ZBTB8A: variants seen among roughly 807,000 people sequenced by gnomAD.
ZBTB8A encodes zinc finger and BTB domain containing 8A.
A neutral mutation model predicts 37.8 loss-of-function variants in ZBTB8A; 19 were observed. That is an observed-to-expected ratio of 0.50 (90% CI 0.35 to 0.74). ZBTB8A has a LOEUF of 0.74. ZBTB8A is among the 30% of genes least tolerant of loss of function. ZBTB8A has a pLI of 0.01. For missense variants in ZBTB8A, 394 were observed against 537.8 expected, an observed-to-expected ratio of 0.73 and a Z score of 2.65; for synonymous variants, 181 against 185.2, an observed-to-expected ratio of 0.98 and a Z score of 0.19.
Position 32,600,545 on chromosome 1 carries a change from T to G in ZBTB8A, c.*126T>G. The G allele has an allele frequency of 2.8e-6, 2 of 722,992 alleles. No individual in the cohort carries two copies. The allele number at this position is 722,992 out of a possible 1,614,324, so 44.8% of individuals were successfully genotyped here. On this transcript the variant is annotated 3_prime_UTR_variant, in exon 5 of 5. Transcript: ENST00000373510. ...CTGACTTTAAAGAAATGATCTGATA[T>G]AACTTGCATGCTTTCTGAACAGGCC...
chr1:32,574,063 C>T (rs1238725108), intron 2 of ZBTB8A, among the ~76,000 whole-genome samples: 6 of 151,290 alleles, frequency 4.0e-5, no homozygotes, highest in African/African-American at 7.3e-5. Flanking sequence ...GCAACAAGAG[C>T]GAAAACTCTG....
intron 2 of ZBTB8A, among the ~76,000 whole-genome samples, chr1:32,592,665 C>T (rs968048097): frequency 6.6e-6 from 1 of 152,056 alleles, no homozygotes; most frequent in Admixed American, 6.6e-5. Flanking sequence ...CGCCACCACG[C>T]CCAGCTAATT....
intron 1 of ZBTB8A, among the ~76,000 whole-genome samples, chr1:32,552,950 TATTA>T (rs745334400): frequency 1.3e-5 from 2 of 148,836 alleles, no homozygotes; most frequent in Non-Finnish European, 3.0e-5. Context: ...TATATATTAA[TATTA>T]ATTATTAATG....
chr1:32,548,111 C>T (rs1367159539), intron 1 of ZBTB8A, among the ~76,000 whole-genome samples: 1 of 125,428 alleles, frequency 8.0e-6, no homozygotes, highest in Non-Finnish European at 1.6e-5. Context: ...CCAGCTTGGG[C>T]GACAGAGCTA....
At chr1:32,568,906 A>G (rs1644304707) in intron 2 of ZBTB8A, among the ~76,000 whole-genome samples, 1 of 152,242 alleles carries the variant, frequency 6.6e-6, no homozygotes, top group Admixed American at 6.5e-5. Flanking sequence ...TGGGGCTAAT[A>G]TGAACAAAGC....
intron 3 of ZBTB8A, among the ~76,000 whole-genome samples, chr1:32,594,142 T>G (rs1182537688): frequency 6.7e-6 from 1 of 148,938 alleles, no homozygotes; most frequent in Non-Finnish European, 1.5e-5. Context: ...TGCAGGGAGC[T>G]GAGATTACAC....
chr1:32,564,276 C>T (rs1644263842), intron 2 of ZBTB8A, among the ~76,000 whole-genome samples: 2 of 152,168 alleles, frequency 1.3e-5, no homozygotes, highest in Admixed American at 1.3e-4. Context: ...ATTTTTACTC[C>T]ATCCCAGTGC....
At chr1:32,545,942 AGTCTCTTCTCTTCCT>A (rs1411387194) in intron 1 of ZBTB8A, among the ~76,000 whole-genome samples, 17 of 152,212 alleles carry the variant, frequency 1.1e-4, no homozygotes, top group African/African-American at 3.9e-4. Context: ...TTTGTCTAGA[AGTCTCTTCTCTTCCT>A]GTCTCTTCTC....
chr1:32,546,605 C>T (rs1644106309), intron 1 of ZBTB8A, among the ~76,000 whole-genome samples: 1 of 152,204 alleles, frequency 6.6e-6, no homozygotes, highest in African/African-American at 2.4e-5. Flanking sequence ...CGTACCACTG[C>T]ACTCCAGGCT....
chr1:32,546,175 G>A (rs1330454030), intron 1 of ZBTB8A, among the ~76,000 whole-genome samples: 1 of 152,182 alleles, frequency 6.6e-6, no homozygotes, highest in Non-Finnish European at 1.5e-5. Flanking sequence ...CACATACAGT[G>A]GCTCACACGT....
chr1:32,585,420 G>A (rs942175045), intron 2 of ZBTB8A, among the ~76,000 whole-genome samples: 1 of 151,874 alleles, frequency 6.6e-6, no homozygotes, highest in Non-Finnish European at 1.5e-5. Flanking sequence ...CTATAAACCA[G>A]TAATAATGCA....
At chr1:32,565,652 A>T (rs914026879) in intron 2 of ZBTB8A, among the ~76,000 whole-genome samples, 20 of 152,272 alleles carry the variant, frequency 1.3e-4, no homozygotes, top group Admixed American at 2.6e-4. Flanking sequence ...GACCGTCTTT[A>T]AAAAATTTTT....
intron 4 of ZBTB8A, among the ~76,000 whole-genome samples, chr1:32,595,563 C>T (rs888114459): frequency 3.4e-5 from 5 of 149,194 alleles, no homozygotes; most frequent in Non-Finnish European, 5.9e-5. Flanking sequence ...CCACCACGCC[C>T]GGCCTTGTTT....
chr1:32,580,418 C>T (rs924021350), intron 2 of ZBTB8A, among the ~76,000 whole-genome samples: 6 of 151,834 alleles, frequency 4.0e-5, no homozygotes, highest in Non-Finnish European at 8.8e-5. Context: ...GGCATGGTGG[C>T]ACATGCCTAT....
In ZBTB8A at chr1:32,593,646, C is replaced by T; in HGVS notation, c.715C>T (p.His239Tyr). 6.2e-7 allele frequency: 1 copy of T among 1,614,162 alleles called. No homozygotes were observed. Among genetic ancestry groups the T allele is most frequent in the Non-Finnish European group, 8.5e-7 (1 of 1,180,036 alleles). The change falls in exon 3 of 5, where the codon CAT becomes TAT. Residue 239 changes from histidine (H) to tyrosine (Y), a missense_variant. Coordinates refer to ENST00000373510, the MANE Select transcript of ZBTB8A (RefSeq NM_001040441.3). ...REVRTSDSSS[H>Y]VSQSEEQAQI... ...AGTACGAACATCTGATTCTTCCAGC[C>T]ATGTTTCCCAGTCTGAAGAACAAGC...
chr1:32,544,473 G>A (rs1267001116), intron 1 of ZBTB8A, among the ~76,000 whole-genome samples: 3 of 152,360 alleles, frequency 2.0e-5, no homozygotes, highest in East Asian at 1.9e-4. Flanking sequence ...CAAGGTGGGT[G>A]GATCACCGAG....
At chr1:32,581,699 T>A (rs1263372752) in intron 2 of ZBTB8A, among the ~76,000 whole-genome samples, 1 of 152,074 alleles carries the variant, frequency 6.6e-6, no homozygotes, top group Non-Finnish European at 1.5e-5. Flanking sequence ...CTCACACTGA[T>A]ACGAAGAAAT....
Position 32,593,058 on chromosome 1 carries a change from T to C in ZBTB8A, c.127T>C (p.Phe43Leu), listed in dbSNP as rs1213365144. Residue 43 changes from phenylalanine (F) to leucine (L), a missense_variant, in exon 3 of 5, where the codon TTC becomes CTC. Around this residue, in one of 4 missense-constraint regions of ZBTB8A, gnomAD observed 96 missense variants for 165.6 expected, o/e 0.58. Coordinates refer to ENST00000373510, the MANE Select transcript of ZBTB8A (RefSeq NM_001040441.3). ...CTTCAAAGCACATCGAAATGTATTA[T>C]TCGCTAGTAGCGGCTACTTTAAAAT... The part of the protein sequence containing the change: ...KVFKAHRNVL[F>L]ASSGYFKMLL... The C allele has an allele frequency of 6.2e-7, 1 of 1,614,202 alleles. No individual in the cohort carries two copies. The highest frequency in any genetic ancestry group is 1.3e-5 in the African/African-American group (1 of 75,060).
chr1:32,578,034 G>A (rs1023439478), intron 2 of ZBTB8A, among the ~76,000 whole-genome samples: 2 of 151,702 alleles, frequency 1.3e-5, no homozygotes, highest in African/African-American at 4.8e-5. Flanking sequence ...CTCCCCAGCA[G>A]CTGGGATTAC....
Sources: gnomAD v4.1 joint callset for allele counts (sites outside exome capture counted in the v4.1 genomes callset) on GRCh38, gnomAD v4.1.1 for gene constraint, gnomAD v4.1.1 regional missense constraint, MANE v1.5 for transcripts, NCBI Gene and HGNC (gene_info 2026-07-23, HGNC 2026-07-21) for gene names.